Variants in TSC22D1 observed in about 807,000 individuals in gnomAD.
TSC22D1 encodes the protein TSC22 domain family protein 1.
TSC22D1 carries 9 observed loss-of-function variants against 74.2 expected under a neutral mutation model. The ratio of observed to expected loss-of-function variants is 0.12; its 90% CI spans 0.07 to 0.21. The LOEUF (loss-of-function observed/expected upper bound fraction) is 0.21, where lower values mean the gene tolerates loss of function less well. Ranked by LOEUF, TSC22D1 falls within the 10% of genes least tolerant of loss-of-function variation. TSC22D1 has a pLI of 1.00. For missense variants in TSC22D1, 1,427 were observed against 1,304.7 expected, an observed-to-expected ratio of 1.09 and a Z score of -1.44; for synonymous variants, 586 against 492.5, an observed-to-expected ratio of 1.19 and a Z score of -2.51.
Position 44,576,188 on chromosome 13 carries a change from TTCCTCCTTC to T in TSC22D1, c.-123_-115del. 1 of 1,375,698 alleles carries T rather than the reference TTCCTCCTTC, an allele frequency of 7.3e-7. No homozygotes were observed. The highest frequency in any genetic ancestry group is 1.6e-5 in the South Asian group (1 of 64,492). 85.2% of individuals were successfully genotyped at this position (1,375,698 alleles called of 1,614,324 possible). A position where few individuals can be genotyped will look rare whatever the true frequency, so the allele number is the denominator to read the frequency against. ...GGACCTGACGCTCCGCCTGGCGCGA[TTCCTCCTTC>T]TCCTCCTCCTCAGCCAAAGGCGCCG... On this transcript the variant is annotated 5_prime_UTR_variant, in exon 1 of 3. Transcript: ENST00000458659.
rs1874218945 is a variant in TSC22D1, at chr13:44,433,380, T to C, written c.*1246A>G. The C allele has an allele frequency of 6.6e-6, 1 of 152,472 alleles. No individual in the cohort carries two copies. The highest frequency in any genetic ancestry group is 1.5e-5 in the Non-Finnish European group (1 of 68,220). 9.4% of individuals were successfully genotyped at this position (152,472 alleles called of 1,614,324 possible). On this transcript the variant is annotated 3_prime_UTR_variant, in exon 3 of 3. Transcript: ENST00000458659. ...ACTCAATGTGTCAATTTCCTTTTAC[T>C]TCATGCAGTCAAATCACGCCCCTAC...
chr13:44,548,925 T>C (rs1347753432), intron 1 of TSC22D1, among the ~76,000 whole-genome samples: 1 of 151,990 alleles, frequency 6.6e-6, no homozygotes, highest in Non-Finnish European at 1.5e-5. Flanking sequence ...TATCCTAACA[T>C]AATGTAAACA....
chr13:44,458,961 G>A (rs1001217839), intron 1 of TSC22D1, among the ~76,000 whole-genome samples: 2 of 152,202 alleles, frequency 1.3e-5, no homozygotes, highest in Non-Finnish European at 2.9e-5. Context: ...GATGGCGGGA[G>A]GCAGACAGGT....
chr13:44,469,634 C>A (rs1488895538), intron 1 of TSC22D1, among the ~76,000 whole-genome samples: 2 of 152,154 alleles, frequency 1.3e-5, no homozygotes, highest in Non-Finnish European at 2.9e-5. Context: ...TTGTATAATT[C>A]ACTGAGCCAG....
chr13:44,440,967 T>G (rs1189874990), intron 1 of TSC22D1, among the ~76,000 whole-genome samples: 4 of 151,948 alleles, frequency 2.6e-5, no homozygotes, highest in Non-Finnish European at 5.9e-5. Context: ...GAGAAAAGAG[T>G]TTTTTTATCC....
In TSC22D1 at chr13:44,573,503, C is replaced by T; in HGVS notation, c.2572G>A (p.Ala858Thr). The stretch of plus-strand genomic sequence containing the variant: ...CCATTTTGGGTAGCAGGGGTTTGTG[C>T]TATATTTTGTGGTGGAACCAAGTTT... ...PTNLVPPQNI[A>T]QTPATQNGNL... Residue 858 changes from alanine to threonine, a missense_variant, in exon 1 of 3, where the codon GCA (alanine) becomes ACA (threonine). Ala to Thr is a moderately conservative substitution (Grantham distance 58). Around this residue, in one of 3 missense-constraint regions of TSC22D1, gnomAD observed 1,343 missense variants for 1,191.5 expected, o/e 1.13. Transcript: ENST00000458659. The T allele has an allele frequency of 6.2e-7, 1 of 1,614,158 alleles. No homozygotes were observed. The highest frequency in any genetic ancestry group is 8.5e-7 in the Non-Finnish European group (1 of 1,180,024).
chr13:44,480,017 C>G (rs1233190759), intron 1 of TSC22D1, among the ~76,000 whole-genome samples: 4 of 152,080 alleles, frequency 2.6e-5, no homozygotes, highest in African/African-American at 7.2e-5. Flanking sequence ...ATTAAGCCAC[C>G]ATTTGAGAGC....
At chr13:44,452,224 A>T (rs1876200627) in intron 1 of TSC22D1, among the ~76,000 whole-genome samples, 1 of 152,216 alleles carries the variant, frequency 6.6e-6, no homozygotes, top group South Asian at 2.1e-4. Flanking sequence ...GAGATGTTGT[A>T]AGGCAACCCC....
chr13:44,536,926 G>GAAAAAAAAAA (rs10596156), intron 1 of TSC22D1: 66 of 495,154 alleles, frequency 1.3e-4, no homozygotes, highest in African/African-American at 6.1e-4. Flanking sequence ...GTATTTTTCT[G>GAAAAAAAAAA]AAAAAAAAAA....
intron 1 of TSC22D1, among the ~76,000 whole-genome samples, chr13:44,555,118 T>TAA (rs58167299): frequency 1.9e-4 from 26 of 138,784 alleles, no homozygotes; most frequent in South Asian, 2.3e-4. Context: ...ACCTCTAAAT[T>TAA]AAAAAAAAAA....
intron 1 of TSC22D1, among the ~76,000 whole-genome samples, chr13:44,502,345 T>A (rs1328307634): frequency 1.3e-5 from 2 of 152,184 alleles, no homozygotes; most frequent in African/African-American, 4.8e-5. Flanking sequence ...ATTGTCTTCA[T>A]TTTTCAGAGT....
chr13:44,566,882 A>G (rs1883409381), intron 1 of TSC22D1, among the ~76,000 whole-genome samples: 1 of 152,208 alleles, frequency 6.6e-6, no homozygotes, highest in Non-Finnish European at 1.5e-5. Context: ...AAAATCCCCA[A>G]AAGACTCAGG....
rs184243579 is a variant in TSC22D1 at position 44,516,508 on chromosome 13, C to G, written c.2912+56655G>C. Among the ~76,000 whole-genome samples the G allele has an allele frequency of 3.8e-3, 580 of 152,178 alleles. 5 individuals are homozygous for G. The highest frequency in any genetic ancestry group is 0.013 in the African/African-American group (533 of 41,516). On this transcript the variant is annotated intron_variant, in intron 1 of 2. Transcript: ENST00000458659. ...GACAGAAAAGAAACCCAGGACACCC[C>G]AACACATCAAAGACACCCAGGCCAT...
At chr13:44,544,770 T>C (rs1881713350) in intron 1 of TSC22D1, among the ~76,000 whole-genome samples, 1 of 152,120 alleles carries the variant, frequency 6.6e-6, no homozygotes, top group Non-Finnish European at 1.5e-5. Context: ...TCTGAAAATG[T>C]TACCGGTATT....
intron 1 of TSC22D1, among the ~76,000 whole-genome samples, chr13:44,522,598 G>A (rs1373496126): frequency 6.6e-6 from 1 of 152,088 alleles, no homozygotes; most frequent in East Asian, 1.9e-4. Context: ...CAGTGGAGAA[G>A]GAAGAGTCTT....
rs1306949196 is a variant in TSC22D1 at position 44,556,297 on chromosome 13, T to C, written c.2912+16866A>G. Among the ~76,000 whole-genome samples the C allele has an allele frequency of 3.3e-5, 5 of 151,208 alleles. No individual in the cohort carries two copies. In the East Asian group the frequency reaches 9.7e-4, roughly 29 times the overall value. ...ACGGTGACTCAACACCTGTAATCCT[T>C]GTACTTTGGGAGGCCAAGGCAGATG... On this transcript the variant is annotated intron_variant, in intron 1 of 2. Transcript: ENST00000458659.
intron 1 of TSC22D1, among the ~76,000 whole-genome samples, chr13:44,448,356 C>T (rs78890159): frequency 0.028 from 4,202 of 152,240 alleles, 75 homozygotes; most frequent in Middle Eastern, 0.068. Flanking sequence ...AGGAACTAGA[C>T]TAACCAACTA....
intron 1 of TSC22D1, among the ~76,000 whole-genome samples, chr13:44,530,406 C>G (rs764770668): frequency 2.6e-5 from 4 of 151,708 alleles, no homozygotes; most frequent in Non-Finnish European, 5.9e-5. Context: ...AAACTGAGAC[C>G]AAGTCATAGA....
At chr13:44,442,415 A>G (rs1425030762) in intron 1 of TSC22D1, among the ~76,000 whole-genome samples, 3 of 152,230 alleles carry the variant, frequency 2.0e-5, no homozygotes, top group Non-Finnish European at 2.9e-5. Flanking sequence ...TATGTTCAAG[A>G]AAGTAGAGGA....
Sources: allele counts gnomAD v4.1 joint callset (sites outside exome capture counted in the v4.1 genomes callset), GRCh38; gene constraint gnomAD v4.1.1; regional missense constraint gnomAD v4.1.1; transcripts MANE v1.5; gene names NCBI Gene and HGNC (gene_info 2026-07-23, HGNC 2026-07-21).